Variants in PPME1 observed in about 807,000 individuals in gnomAD.
The protein encoded by PPME1 is protein phosphatase methylesterase 1, also known as testicular secretory protein Li 39.
Under a neutral mutation model 56.9 loss-of-function variants are expected in PPME1, and 17 were observed. The observed-to-expected ratio is 0.30, with a 90% CI of 0.20 to 0.45. PPME1 has a LOEUF of 0.45. Ranked by LOEUF, PPME1 falls within the 20% of genes least tolerant of loss-of-function variation. The pLI is 1.00. For missense variants in PPME1, 357 were observed against 483.2 expected (o/e 0.74, Z 2.45); for synonymous variants, 122 against 156.2 (o/e 0.78, Z 1.63).
Position 74,230,103 on chromosome 11 carries a change from A to G in PPME1, c.399-142A>G, listed in dbSNP as rs1212542666. ...GCTGGGGACATGTTAGAAGGTTTACATAGGTATGTTTGTAAGATGGCCCAA... is the reference window on the plus strand; with the variant it reads ...GCTGGGGACATGTTAGAAGGTTTACGTAGGTATGTTTGTAAGATGGCCCAA... On this transcript the variant is annotated intron_variant, in intron 5 of 13. Transcript: ENST00000328257. This position sits in a 1 kb window ranked among gnomAD's most constrained non-coding sequence, Gnocchi z 4.9. The G allele has an allele frequency of 4.8e-6, 4 of 829,966 alleles. No individual in the cohort carries two copies. The highest frequency in any genetic ancestry group is 3.4e-5 in the African/African-American group (2 of 58,178). 51.4% of individuals were successfully genotyped at this position (829,966 alleles called of 1,614,324 possible). A position where few individuals can be genotyped will look rare whatever the true frequency, so the allele number is the denominator to read the frequency against.
intron 1 of PPME1, among the ~76,000 whole-genome samples, chr11:74,179,424 G>A (rs1264892020): frequency 1.3e-5 from 2 of 152,196 alleles, no homozygotes; most frequent in Non-Finnish European, 2.9e-5. Flanking sequence ...GAGCCTGGGA[G>A]TTTGAGGTTG....
chr11:74,224,387 A>G (rs1264913924), intron 4 of PPME1, among the ~76,000 whole-genome samples: 2 of 116,892 alleles, frequency 1.7e-5, no homozygotes, highest in African/African-American at 7.2e-5. Flanking sequence ...TGATGCCTCC[A>G]GCTTTGTTCT....
intron 9 of PPME1, among the ~76,000 whole-genome samples, chr11:74,240,874 T>C (rs1184325189): frequency 1.3e-5 from 2 of 152,268 alleles, no homozygotes; most frequent in African/African-American, 4.8e-5. Flanking sequence ...AGCACTATGC[T>C]GAATGCTTCA....
At chr11:74,232,010 T>C (rs1193967571) in intron 7 of PPME1, among the ~76,000 whole-genome samples, 3 of 152,238 alleles carry the variant, frequency 2.0e-5, no homozygotes, top group African/African-American at 4.8e-5. Context: ...AGATCAGTCT[T>C]TGGATAAATG....
intron 12 of PPME1, 114 bp from the exon 13 acceptor site, chr11:74,251,534 C>A: frequency 6.6e-7 from 1 of 1,510,760 alleles, no homozygotes; most frequent in Non-Finnish European, 8.8e-7. Context: ...CCACTCAGAC[C>A]TGTGGGTGGG....
chr11:74,238,945 T>C (rs978485604), intron 8 of PPME1, 188 bp from the exon 9 acceptor site: 2 of 560,596 alleles, frequency 3.6e-6, no homozygotes, highest in Non-Finnish European at 6.1e-6. Flanking sequence ...AAACCAGCCC[T>C]TGGAGAATAG....
At chr11:74,253,438 G>A in intron 13 of PPME1, 54 bp from the exon 14 acceptor site, 3 of 1,555,470 alleles carry the variant, frequency 1.9e-6, no homozygotes. Context: ...GATAAGCAAG[G>A]GAAAGCTATT....
intron 3 of PPME1, among the ~76,000 whole-genome samples, chr11:74,206,454 A>G (rs187231611): frequency 3.9e-4 from 60 of 152,332 alleles, no homozygotes; most frequent in African/African-American, 1.4e-3. Context: ...GAGAAGAGCA[A>G]TCAAGATTAG....
chr11:74,208,274 T>C (rs1858381062), intron 3 of PPME1, among the ~76,000 whole-genome samples: 1 of 149,492 alleles, frequency 6.7e-6, no homozygotes, highest in African/African-American at 2.5e-5. Context: ...ATCGTGCCAC[T>C]GCACTCCATG....
chr11:74,192,755 G>A (rs1037001590), intron 1 of PPME1, among the ~76,000 whole-genome samples: 1 of 152,064 alleles, frequency 6.6e-6, no homozygotes, highest in African/African-American at 2.4e-5. Flanking sequence ...CCCTTCTCTT[G>A]CTTCTGCTCT....
intron 3 of PPME1, among the ~76,000 whole-genome samples, chr11:74,212,095 G>A (rs562764952): frequency 1.3e-5 from 2 of 152,312 alleles, no homozygotes; most frequent in African/African-American, 4.8e-5. Context: ...AAGAGACACT[G>A]AAGAGGATAG....
At chr11:74,195,214 A>G (rs1857948635) in intron 1 of PPME1, among the ~76,000 whole-genome samples, 1 of 152,164 alleles carries the variant, frequency 6.6e-6, no homozygotes, top group Non-Finnish European at 1.5e-5. Context: ...GCACCTTAGA[A>G]ACCTGTTTGT....
At chr11:74,202,343 AT>A in intron 1 of PPME1, among the ~76,000 whole-genome samples, 1 of 152,208 alleles carries the variant, frequency 6.6e-6, no homozygotes, top group East Asian at 1.9e-4. Context: ...TCTCCAGGTG[AT>A]TTCATTGTTA....
In PPME1 at chr11:74,235,829, T is replaced by C. The variant is rs1859176734; in HGVS notation, c.645-72T>C. 12 of 1,551,764 alleles carry C rather than the reference T, an allele frequency of 7.7e-6. No individual in the cohort carries two copies. The South Asian group carries it at 1.2e-4, about 15-fold the overall frequency. On this transcript the variant is annotated intron_variant, in intron 7 of 13. Transcript: ENST00000328257. ...AGGTCTCACATAATCTGTAGAATTA[T>C]TTATTTGATTCCAATGATGTGATAC...
chr11:74,227,272 A>T (rs1565390599), intron 5 of PPME1, among the ~76,000 whole-genome samples: 1 of 152,192 alleles, frequency 6.6e-6, no homozygotes, highest in East Asian at 1.9e-4. Flanking sequence ...CAGGCCTCAC[A>T]TCTATTTTTG....
At chr11:74,200,565 T>A (rs1858134990) in intron 1 of PPME1, among the ~76,000 whole-genome samples, 1 of 152,112 alleles carries the variant, frequency 6.6e-6, no homozygotes, top group Admixed American at 6.6e-5. Context: ...GTATTTTTAG[T>A]AGAGACAGGG....
intron 3 of PPME1, among the ~76,000 whole-genome samples, chr11:74,211,522 A>G (rs1250246621): frequency 6.6e-6 from 1 of 152,210 alleles, no homozygotes; most frequent in African/African-American, 2.4e-5. Context: ...GAATTTAAAT[A>G]ACAAATCGTA....
intron 7 of PPME1, 181 bp from the exon 8 acceptor site, chr11:74,235,719 AT>A: frequency 1.0e-6 from 1 of 962,594 alleles, no homozygotes; most frequent in Non-Finnish European, 1.5e-6. Flanking sequence ...TTTTTACTTA[AT>A]TTTTACTTAT....
chr11:74,196,552 G>GTC (rs1258164589), intron 1 of PPME1, among the ~76,000 whole-genome samples: 1 of 152,134 alleles, frequency 6.6e-6, no homozygotes, highest in East Asian at 1.9e-4. Context: ...CAGGAAAGGG[G>GTC]TCCCAATCCA....
Sources: allele counts gnomAD v4.1 joint callset (sites outside exome capture counted in the v4.1 genomes callset), GRCh38; gene constraint gnomAD v4.1.1; non-coding constraint Gnocchi (gnomAD v3.1); transcripts MANE v1.5; gene names NCBI Gene and HGNC (gene_info 2026-07-23, HGNC 2026-07-21).